Variants in CLSTN2 observed in about 807,000 individuals in gnomAD.
The protein encoded by CLSTN2 is calsyntenin-2.
A neutral mutation model predicts 101.2 loss-of-function variants in CLSTN2; 48 were observed. The ratio of observed to expected loss-of-function variants is 0.47; its 90% CI spans 0.38 to 0.60. CLSTN2 has a LOEUF of 0.60. CLSTN2 is among the 20% of genes least tolerant of loss of function. The probability of loss-of-function intolerance (pLI) is 0.00; values close to 1 mark genes in which losing one functional copy is unlikely to be tolerated. For synonymous variants in CLSTN2, 481 were observed against 463.6 expected, an observed-to-expected ratio of 1.04 and a Z score of -0.48; for missense variants, 1,160 against 1,238.2, an observed-to-expected ratio of 0.94 and a Z score of 0.95.
At position 140,211,398 on chromosome 3, in the gene CLSTN2, T is replaced by TCACACACACACACACACACACA. The variant is rs59994883; in HGVS notation, c.232+35332_232+35353dup. On this transcript the variant is annotated intron_variant, in intron 2 of 16. Coordinates refer to ENST00000458420, the MANE Select transcript of CLSTN2 (RefSeq NM_022131.3). ...AACCACCTGATATATGCTTGGTAAT[T>TCACACACACACACACACACACA]CACACACACACACACACACACACAC... Among the ~76,000 whole-genome samples, 625 of 113,434 alleles carry TCACACACACACACACACACACA rather than the reference T, an allele frequency of 5.5e-3. 10 individuals are homozygous for TCACACACACACACACACACACA. The highest frequency in any genetic ancestry group is 8.2e-3 in the Non-Finnish European group (463 of 56,624). 74.4% of individuals were successfully genotyped at this position (113,434 alleles called of 152,430 possible). A position where few individuals can be genotyped will look rare whatever the true frequency, so the allele number is the denominator to read the frequency against.
At chr3:140,224,812 C>T (rs887135488) in intron 2 of CLSTN2, among the ~76,000 whole-genome samples, 1 of 152,104 alleles carries the variant, frequency 6.6e-6, no homozygotes, top group African/African-American at 2.4e-5. Flanking sequence ...TTTGCTAATT[C>T]CTATTAGACT....
At chr3:139,992,297 A>C (rs1478900101) in intron 1 of CLSTN2, among the ~76,000 whole-genome samples, 1 of 152,126 alleles carries the variant, frequency 6.6e-6, no homozygotes, top group Non-Finnish European at 1.5e-5. Context: ...TTAGAGGGAG[A>C]AGAGTAAAAT....
chr3:140,563,138 T>A lies in CLSTN2; in HGVS notation c.2417T>A (p.Val806Glu). 1.2e-6 allele frequency: 2 copies of A among 1,614,110 alleles called. No individual in the cohort carries two copies. The highest frequency in any genetic ancestry group is 1.7e-6 in the Non-Finnish European group (2 of 1,179,958). ...SDKEHVNHLI[V>E]QPPFLQSVHH... Reference sequence around the variant, plus strand: ...AAGGAGCATGTCAATCATCTGATTGTGCAGCCTCCCTTCCTCCAGTCTGTC... The same window carrying A: ...AAGGAGCATGTCAATCATCTGATTGAGCAGCCTCCCTTCCTCCAGTCTGTC... The change falls in exon 15 of 17, where the codon GTG becomes GAG. Residue 806 changes from valine to glutamate, a missense_variant. By Grantham distance (121) the Val-to-Glu change is moderately radical (BLOSUM62 -2). Transcript: ENST00000458420.
intron 11 of CLSTN2, 79 bp downstream of exon 11, chr3:140,556,740 C>A: frequency 6.9e-7 from 1 of 1,443,028 alleles, no homozygotes; most frequent in Admixed American, 1.9e-5. Flanking sequence ...TGGGAATGTT[C>A]CCTCACAAAA....
chr3:140,529,826 T>C (rs1404240872), intron 8 of CLSTN2, among the ~76,000 whole-genome samples: 1 of 152,214 alleles, frequency 6.6e-6, no homozygotes, highest in Non-Finnish European at 1.5e-5. Flanking sequence ...TCCCTGTTGA[T>C]GTTGGAGAAT....
chr3:140,546,383 C>A, intron 9 of CLSTN2, 132 bp from the exon 10 acceptor site: 1 of 836,100 alleles, frequency 1.2e-6, no homozygotes, highest in Non-Finnish European at 1.9e-6. Flanking sequence ...CTGTGTTCAT[C>A]ACTCAGAAGG....
chr3:139,996,926 A>G (rs1324155368), intron 1 of CLSTN2, among the ~76,000 whole-genome samples: 1 of 151,872 alleles, frequency 6.6e-6, no homozygotes, highest in Non-Finnish European at 1.5e-5. Flanking sequence ...GGGCACCTGT[A>G]ATCCCAGCTA....
intron 8 of CLSTN2, 133 bp downstream of exon 8, chr3:140,466,864 G>A (rs1933718080): frequency 8.6e-7 from 1 of 1,161,194 alleles, no homozygotes; most frequent in Admixed American, 2.3e-5. Flanking sequence ...ATCAGCTTAG[G>A]GAGACACACA....
chr3:140,352,650 A>G (rs1338983671), intron 2 of CLSTN2, among the ~76,000 whole-genome samples: 1 of 152,224 alleles, frequency 6.6e-6, no homozygotes, highest in Non-Finnish European at 1.5e-5. Flanking sequence ...AAGACCCTGT[A>G]AGAAATACAG....
intron 9 of CLSTN2, among the ~76,000 whole-genome samples, chr3:140,533,537 G>A (rs979420790): frequency 2.0e-5 from 3 of 147,784 alleles, no homozygotes; most frequent in Admixed American, 6.8e-5. Context: ...GTGAAACCCC[G>A]TCTCTACTAA....
intron 1 of CLSTN2, among the ~76,000 whole-genome samples, chr3:140,156,180 A>G (rs2009950785): frequency 6.6e-6 from 1 of 152,190 alleles, no homozygotes; most frequent in African/African-American, 2.4e-5. Context: ...GGCTGCCACA[A>G]ACGTTGTGTT....
intron 8 of CLSTN2, among the ~76,000 whole-genome samples, chr3:140,521,391 G>T (rs2107773729): frequency 6.6e-6 from 1 of 152,274 alleles, no homozygotes; most frequent in South Asian, 2.1e-4. Flanking sequence ...GCTGCAGTTT[G>T]CTGGGGTTCT....
At chr3:140,171,788 TATA>T (rs1471870931) in intron 1 of CLSTN2, among the ~76,000 whole-genome samples, 3 of 71,258 alleles carry the variant, frequency 4.2e-5, no homozygotes, top group African/African-American at 2.7e-4. Context: ...TTATATAATA[TATA>T]ATATATAATA....
At chr3:140,560,694 A>T (rs1260333418) in intron 12 of CLSTN2, among the ~76,000 whole-genome samples, 1 of 152,138 alleles carries the variant, frequency 6.6e-6, no homozygotes, top group East Asian at 1.9e-4. Flanking sequence ...GATAATACCC[A>T]TGGTGAGAGA....
At position 140,508,327 on chromosome 3, in the gene CLSTN2, C is replaced by A. The variant is rs565484025; in HGVS notation, c.1345-23997C>A. On this transcript the variant is annotated intron_variant, in intron 8 of 16. Coordinates refer to ENST00000458420, the MANE Select transcript of CLSTN2 (RefSeq NM_022131.3). The stretch of plus-strand genomic sequence containing the variant: ...ACGCCCTCCCAGTTTCCAAGCTGGA[C>A]CCTCATATTCTCCTTTTCTACAGGA... 17 of 152,330 alleles carry A rather than the reference C, an allele frequency of 1.1e-4. No individual in the cohort carries two copies. In the East Asian group the frequency reaches 3.3e-3, roughly 29 times the overall value. The allele number at this position is 152,330 out of a possible 1,614,324, so 9.4% of individuals were successfully genotyped here.
At chr3:140,230,504 G>T (rs1199537441) in intron 2 of CLSTN2, among the ~76,000 whole-genome samples, 2 of 152,168 alleles carry the variant, frequency 1.3e-5, no homozygotes, top group African/African-American at 2.4e-5. Flanking sequence ...CTTTTGGGAG[G>T]TAATTAGGCC....
intron 1 of CLSTN2, among the ~76,000 whole-genome samples, chr3:139,998,335 C>CTTTTTTTTTTTTTTTTTTTT (rs1290360293): frequency 4.9e-5 from 1 of 20,432 alleles, no homozygotes; most frequent in Non-Finnish European, 7.8e-5. Flanking sequence ...CCCCCACATG[C>CTTTTTTTTTTTTTTTTTTTT]CTTTTTTTTT....
At chr3:140,402,641 G>A (rs1010026207) in intron 2 of CLSTN2, among the ~76,000 whole-genome samples, 1 of 152,206 alleles carries the variant, frequency 6.6e-6, no homozygotes, top group African/African-American at 2.4e-5. Context: ...ATTAAATGAT[G>A]CACCGTAGGT....
At chr3:139,956,060 G>T (rs889408838) in intron 1 of CLSTN2, among the ~76,000 whole-genome samples, 1 of 152,158 alleles carries the variant, frequency 6.6e-6, no homozygotes, top group Non-Finnish European at 1.5e-5. Context: ...CAGACTACCT[G>T]AGATTTCCCT....
Sources: gnomAD v4.1 joint callset for allele counts (sites outside exome capture counted in the v4.1 genomes callset) on GRCh38, gnomAD v4.1.1 for gene constraint, MANE v1.5 for transcripts, NCBI Gene and HGNC (gene_info 2026-07-23, HGNC 2026-07-21) for gene names.